The following ZNF230 variants were observed in gnomAD, a reference collection of about 807,000 sequenced individuals.
ZNF230 encodes zinc finger protein 230.
ZNF230 carries 12 observed loss-of-function variants against 10.0 expected under a neutral mutation model. That is an observed-to-expected ratio of 1.20 (90% CI 0.77 to 1.95). The LOEUF is 1.95. ZNF230 is among the 30% of genes most tolerant of loss of function. The pLI is 0.00. For synonymous variants in ZNF230, 174 were observed against 193.6 expected (o/e 0.90, Z 0.84); for missense variants, 532 against 565.8 (o/e 0.94, Z 0.61).
chr19:44,013,254 C>T lies in ZNF230; in HGVS notation c.*1790C>T, dbSNP rs1976206186. Reference sequence around the variant, plus strand: ...TGCCAATTTGACAATTTTTGGAAACCTAACCTAATATTCTCTTCCTATCTC... The same window carrying T: ...TGCCAATTTGACAATTTTTGGAAACTTAACCTAATATTCTCTTCCTATCTC... On this transcript the variant is annotated 3_prime_UTR_variant, in exon 5 of 5. Coordinates refer to ENST00000429154, the MANE Select transcript of ZNF230 (RefSeq NM_006300.4). 6.6e-6 allele frequency: 1 copy of T among 152,142 alleles called. No individual in the cohort carries two copies. Among genetic ancestry groups the T allele is most frequent in the South Asian group, 2.1e-4 (1 of 4,830 alleles). The allele number at this position is 152,142 out of a possible 1,614,324, so 9.4% of individuals were successfully genotyped here. A position where few individuals can be genotyped will look rare whatever the true frequency, so the allele number is the denominator to read the frequency against.
chr19:44,009,042 AG>A (rs1487748356), intron 3 of ZNF230, 41 bp from the exon 4 acceptor site: 9 of 1,610,454 alleles, frequency 5.6e-6, no homozygotes, highest in African/African-American at 1.3e-5. Context: ...GATATTACCT[AG>A]AATGAATTGG....
chr19:44,010,946 A>G lies in ZNF230; in HGVS notation c.907A>G (p.Thr303Ala). Residue 303 changes from threonine (T) to alanine (A), a missense_variant, in exon 5 of 5, where the codon ACA (threonine) becomes GCA (alanine). Thr to Ala is a moderately conservative substitution (Grantham distance 58). Transcript: ENST00000429154. ...SSLNRHCMVH[T>A]AEKLYKSEEC... ...TCTTAATAGGCATTGCATGGTCCACACAGCAGAGAAACTGTACAAATCTGA... is the reference window on the plus strand; with the variant it reads ...TCTTAATAGGCATTGCATGGTCCACGCAGCAGAGAAACTGTACAAATCTGA... The G allele has an allele frequency of 6.2e-7, 1 of 1,614,224 alleles. No homozygotes were observed. The highest frequency in any genetic ancestry group is 8.5e-7 in the Non-Finnish European group (1 of 1,180,032).
rs371964076 is a variant in ZNF230, at chr19:44,011,294, C to A, written c.1255C>A (p.Pro419Thr). The A allele has an allele frequency of 5.0e-6, 8 of 1,614,024 alleles. No individual in the cohort carries two copies. The Admixed American group carries it at 5.0e-5, about 10-fold the overall frequency. ...NHKKLHCRKKPFKCEDCGKRL... is the reference protein window; with the variant it reads ...NHKKLHCRKKTFKCEDCGKRL... Reference sequence around the variant, plus strand: ...TAAGAAACTCCACTGCCGGAAAAAACCCTTCAAATGTGAGGATTGTGGAAA... The same window carrying A: ...TAAGAAACTCCACTGCCGGAAAAAAACCTTCAAATGTGAGGATTGTGGAAA... Residue 419 changes from proline to threonine, a missense_variant, in exon 5 of 5, where the codon CCC (proline) becomes ACC (threonine). Coordinates refer to ENST00000429154, the MANE Select transcript of ZNF230 (RefSeq NM_006300.4).
In ZNF230 at chr19:44,011,675, T is replaced by C; in HGVS notation, c.*211T>C. Reference sequence around the variant, plus strand: ...TGGTGCTTTAGAACACTAGAATGTATTTCTCCTATCTAGCAGTACTTATGT... The same window carrying C: ...TGGTGCTTTAGAACACTAGAATGTACTTCTCCTATCTAGCAGTACTTATGT... On this transcript the variant is annotated 3_prime_UTR_variant, in exon 5 of 5. Coordinates refer to ENST00000429154, the MANE Select transcript of ZNF230 (RefSeq NM_006300.4). The C allele has an allele frequency of 1.9e-6, 1 of 523,162 alleles. No homozygotes were observed. The highest frequency in any genetic ancestry group is 3.3e-6 in the Non-Finnish European group (1 of 307,052). The allele number at this position is 523,162 out of a possible 1,614,324, so 32.4% of individuals were successfully genotyped here. A position where few individuals can be genotyped will look rare whatever the true frequency, so the allele number is the denominator to read the frequency against.
chr19:44,010,696 T>A lies in ZNF230; in HGVS notation c.657T>A (p.Thr219=). 6.2e-7 allele frequency: 1 copy of A among 1,614,214 alleles called. No individual in the cohort carries two copies. The highest frequency in any genetic ancestry group is 8.5e-7 in the Non-Finnish European group (1 of 1,180,028). Residue 219 remains threonine, a synonymous_variant, in exon 5 of 5, where the codon ACT becomes ACA. Transcript: ENST00000429154. ...SCLQTRERVH[T]GEKPFKCEQC... ...TGCAAACTCGTGAGAGAGTCCACACTGGAGAGAAACCATTCAAATGTGAGC... is the reference window on the plus strand; with the variant it reads ...TGCAAACTCGTGAGAGAGTCCACACAGGAGAGAAACCATTCAAATGTGAGC...
At chr19:44,007,203 C>A in intron 2 of ZNF230, 110 bp downstream of exon 2, 1 of 992,604 alleles carries the variant, frequency 1.0e-6, no homozygotes, top group Non-Finnish European at 1.4e-6. Flanking sequence ...CATTTGGGAC[C>A]TGTTGTGTGC....
At chr19:44,003,210 C>T (rs1309748020) in intron 1 of ZNF230, 103 bp downstream of exon 1, 1 of 152,268 alleles carries the variant, frequency 6.6e-6, no homozygotes, top group Non-Finnish European at 1.5e-5. Context: ...GCGGGGTCCT[C>T]TGTGCCCTGC....
intron 2 of ZNF230, among the ~76,000 whole-genome samples, chr19:44,008,115 C>T (rs954510863): frequency 5.3e-5 from 8 of 152,192 alleles, no homozygotes; most frequent in Non-Finnish European, 1.0e-4. Context: ...ATAGCTGAGG[C>T]ACCCCAAGAG....
At position 44,009,149 on chromosome 19, in the gene ZNF230, A is replaced by G. The variant is rs1976149902; in HGVS notation, c.208A>G (p.Thr70Ala). 5.0e-6 allele frequency: 8 copies of G among 1,614,056 alleles called. No individual in the cohort carries two copies. The highest frequency in any genetic ancestry group is 6.8e-6 in the Non-Finnish European group (8 of 1,180,036). Residue 70 changes from threonine (T) to alanine (A), a missense_variant, in exon 4 of 5, where the codon ACC becomes GCC. Thr to Ala is a moderately conservative substitution (Grantham distance 58, BLOSUM62 0). Coordinates refer to ENST00000429154, the MANE Select transcript of ZNF230 (RefSeq NM_006300.4). ...EEKFWMMETA[T>A]QREGNSGGKT... ...AAAGTTTTGGATGATGGAGACAGCA[A>G]CCCAAAGAGAAGGAAATTCAGGTAA...
intron 1 of ZNF230, chr19:44,004,022 C>G (rs1225180457): frequency 1.3e-5 from 2 of 152,220 alleles, no homozygotes; most frequent in Non-Finnish European, 2.9e-5. Context: ...AGTTGATCAC[C>G]TCTTGGATAC....
At chr19:44,009,504 C>G (rs59756444) in intron 4 of ZNF230, among the ~76,000 whole-genome samples, 85,856 of 151,590 alleles carry the variant, frequency 0.57, 26,468 homozygotes, top group Non-Finnish European at 0.71. Flanking sequence ...TGCCTCTTGA[C>G]TACATCTGTC....
intron 1 of ZNF230, chr19:44,004,226 T>C (rs1405065314): frequency 1.3e-5 from 2 of 152,216 alleles, no homozygotes; most frequent in Non-Finnish European, 2.9e-5. Context: ...AAGTCTGAAA[T>C]AGGAGAAATG....
Position 44,011,256 on chromosome 19 carries a change from G to A in ZNF230, c.1217G>A (p.Ser406Asn). The A allele has an allele frequency of 1.2e-6, 2 of 1,614,144 alleles. No individual in the cohort carries two copies. The highest frequency in any genetic ancestry group is 1.7e-6 in the Non-Finnish European group (2 of 1,180,020). ...GGGAAGAGCTTTAGCCGGGCTTCAA[G>A]TATTTTGAATCATAAGAAACTCCAC... is the stretch of plus-strand genomic sequence containing the variant. ...ECGKSFSRAS[S>N]ILNHKKLHCR... The change falls in exon 5 of 5, where the codon AGT (serine) becomes AAT (asparagine). Residue 406 changes from serine to asparagine, a missense_variant. Coordinates refer to ENST00000429154, the MANE Select transcript of ZNF230 (RefSeq NM_006300.4).
At position 44,011,822 on chromosome 19, in the gene ZNF230, C is replaced by G. The variant is rs976082326; in HGVS notation, c.*358C>G. The G allele has an allele frequency of 4.6e-6, 1 of 215,820 alleles. No homozygotes were observed. Among genetic ancestry groups the G allele is most frequent in the African/African-American group, 2.4e-5 (1 of 42,338 alleles). 13.4% of individuals were successfully genotyped at this position (215,820 alleles called of 1,614,324 possible). A position where few individuals can be genotyped will look rare whatever the true frequency, so the allele number is the denominator to read the frequency against. On this transcript the variant is annotated 3_prime_UTR_variant, in exon 5 of 5. Transcript: ENST00000429154. ...TTTAGCTTCCATATGTGTGTGAGGA[C>G]AGTTAGTATTTATCTTACCTTGCTT...
At chr19:44,010,208 T>A in intron 4 of ZNF230, 61 bp from the exon 5 acceptor site, 2 of 1,461,310 alleles carry the variant, frequency 1.4e-6, no homozygotes, top group South Asian at 2.7e-5. Flanking sequence ...AAGTGTGAAA[T>A]CTTAAAAACA....
Position 44,010,972 on chromosome 19 carries a change from G to A in ZNF230, c.933G>A (p.Glu311=). ...VHTAEKLYKS[E]ECGKGFTDSL... Reference sequence around the variant, plus strand: ...CAGCAGAGAAACTGTACAAATCTGAGGAGTGTGGAAAAGGCTTCACTGATA... The same window carrying A: ...CAGCAGAGAAACTGTACAAATCTGAAGAGTGTGGAAAAGGCTTCACTGATA... Residue 311 remains glutamate, a synonymous_variant, in exon 5 of 5, where the codon GAG becomes GAA. Coordinates refer to ENST00000429154, the MANE Select transcript of ZNF230 (RefSeq NM_006300.4). 1.2e-6 allele frequency: 2 copies of A among 1,614,166 alleles called. No individual in the cohort carries two copies. Among genetic ancestry groups the A allele is most frequent in the South Asian group, 1.1e-5 (1 of 91,076 alleles).
Position 44,011,518 on chromosome 19 carries a change from G to GT in ZNF230, c.*55dup, listed in dbSNP as rs1976183919. 6.9e-7 allele frequency: 1 copy of GT among 1,445,712 alleles called. No individual in the cohort carries two copies. Among genetic ancestry groups the GT allele is most frequent in the Non-Finnish European group, 9.3e-7 (1 of 1,072,164 alleles). The allele number at this position is 1,445,712 out of a possible 1,614,324, so 89.6% of individuals were successfully genotyped here. A position where few individuals can be genotyped will look rare whatever the true frequency, so the allele number is the denominator to read the frequency against. On this transcript the variant is annotated 3_prime_UTR_variant, in exon 5 of 5. Coordinates refer to ENST00000429154, the MANE Select transcript of ZNF230 (RefSeq NM_006300.4). ...AAATTTTAATATGTGTATATAATAC[G>GT]TAATGATCAAATTGATGTAATTAGT...
At chr19:44,006,930 C>G in intron 1 of ZNF230, 81 bp from the exon 2 acceptor site, 1 of 639,972 alleles carries the variant, frequency 1.6e-6, no homozygotes, top group Non-Finnish European at 2.8e-6. Context: ...TGTGATCATT[C>G]ATAATACATG....
Position 44,012,544 on chromosome 19 carries a change from G to A in ZNF230, c.*1080G>A, listed in dbSNP as rs953577937. On this transcript the variant is annotated 3_prime_UTR_variant, in exon 5 of 5. Coordinates refer to ENST00000429154, the MANE Select transcript of ZNF230 (RefSeq NM_006300.4). ...AGGGTTGCAAACAGAACTTACGCTT[G>A]TCATTCAGGAGACAGGCCTTAGAAT... 6.0e-6 allele frequency: 3 copies of A among 503,738 alleles called. No individual in the cohort carries two copies. Among genetic ancestry groups the A allele is most frequent in the Non-Finnish European group, 1.2e-5 (3 of 252,726 alleles). The allele number at this position is 503,738 out of a possible 1,614,324, so 31.2% of individuals were successfully genotyped here.
Sources: gnomAD v4.1 joint callset for allele counts (sites outside exome capture counted in the v4.1 genomes callset) on GRCh38, gnomAD v4.1.1 for gene constraint, MANE v1.5 for transcripts, NCBI Gene and HGNC (gene_info 2026-07-23, HGNC 2026-07-21) for gene names.